The following RTL9 variants were observed in gnomAD, a reference collection of about 807,000 sequenced individuals.
The protein encoded by RTL9 is retrotransposon Gag like 9.
Under a neutral mutation model 44.7 loss-of-function variants are expected in RTL9, and 19 were observed. The observed-to-expected ratio is 0.42, with a 90% CI of 0.30 to 0.62. The LOEUF (loss-of-function observed/expected upper bound fraction) is 0.62, where lower values mean the gene tolerates loss of function less well. Among genes scored for constraint, RTL9 ranks in the 20% least tolerant of loss-of-function variants. RTL9 has a pLI of 0.16. For missense variants in RTL9, 1,105 were observed against 1,080.6 expected, an observed-to-expected ratio of 1.02 and a Z score of -0.32; for synonymous variants, 407 against 398.9, an observed-to-expected ratio of 1.02 and a Z score of -0.24.
intron 1 of RTL9, among the ~76,000 whole-genome samples, chrX:110,362,294 C>A (rs865829923): frequency 1.3e-3 from 143 of 111,873 alleles, no homozygotes; most frequent in African/African-American, 4.4e-3. Context: ...AAGTTGCTTT[C>A]ATTGCCTGTG....
At chrX:110,399,625 C>T (rs1259888488) in intron 1 of RTL9, among the ~76,000 whole-genome samples, 1 of 112,222 alleles carries the variant, frequency 8.9e-6, no homozygotes. Flanking sequence ...ATGTGAAAGG[C>T]GACCTGGTTC....
intron 1 of RTL9, among the ~76,000 whole-genome samples, chrX:110,403,723 C>T (rs1336423126): frequency 1.8e-5 from 2 of 112,212 alleles, no homozygotes; most frequent in African/African-American, 3.2e-5. Context: ...GGCAGCGCAA[C>T]TTGAACTGAC....
chrX:110,376,960 C>T (rs1440713161), intron 1 of RTL9, among the ~76,000 whole-genome samples: 6 of 111,698 alleles, frequency 5.4e-5, no homozygotes, highest in Admixed American at 2.8e-4. Flanking sequence ...CCAAATCTGC[C>T]GGACCCACCT....
At chrX:110,452,196 CAAT>C in exon 1 of RTL9, 1 of 1,212,043 alleles carries the variant, frequency 8.3e-7, no homozygotes, top group African/African-American at 1.7e-5. Context: ...GTCCATGCCA[CAAT>C]TGACAGTCCC....
At position 110,452,849 on chromosome X, in the gene RTL9, G is replaced by A. The variant is rs760622250; in HGVS notation, c.2232G>A (p.Met744Ile). Residue 744 changes from methionine (M) to isoleucine (I), a missense_variant, in exon 1 of 2, where the codon ATG becomes ATA. Physicochemically the swap from Met to Ile is conservative, Grantham distance 10. Transcript: ENST00000540313. ...TGAAGTCCATGACCGCTGGAGGGATGCAGATGAATTCCCCAACCTCTGATG... is the reference window on the plus strand; with the variant it reads ...TGAAGTCCATGACCGCTGGAGGGATACAGATGAATTCCCCAACCTCTGATG... 5 of 1,211,598 alleles carry A rather than the reference G, an allele frequency of 4.1e-6. No individual in the cohort carries two copies. Among genetic ancestry groups the A allele is most frequent in the South Asian group, 1.8e-5 (1 of 56,948 alleles).
rs185897672 is a variant in RTL9 at position 110,455,103 on chromosome X, A to G, written c.4048-99A>G. 1.6e-3 allele frequency: 1,746 copies of G among 1,074,353 alleles called. 14 individuals are homozygous for G. The African/African-American group carries it at 0.029, about 18-fold the overall frequency. 88.5% of individuals were successfully genotyped at this position (1,074,353 alleles called of 1,213,427 possible). On this transcript the variant is annotated intron_variant, in intron 1 of 1. Coordinates refer to ENST00000540313, the Ensembl canonical transcript of RTL9. ...GTATGCAAGTGAGATAAATTAGCAA[A>G]GTGTCTTGATCTGCTAAGTCACAGA...
upstream of RTL9, among the ~76,000 whole-genome samples, chrX:110,414,959 A>G (rs1343039487): frequency 8.9e-6 from 1 of 112,015 alleles, no homozygotes; most frequent in Non-Finnish European, 1.9e-5. Context: ...GAAAGAAGAA[A>G]GCATATATAT....
At chrX:110,380,364 AAATACCTAAG>A (rs1161700346) in intron 1 of RTL9, among the ~76,000 whole-genome samples, 2 of 111,898 alleles carry the variant, frequency 1.8e-5, no homozygotes, top group Non-Finnish European at 3.8e-5. Context: ...AAAAAAAATT[AAATACCTAAG>A]AATACATCTA....
intron 1 of RTL9, among the ~76,000 whole-genome samples, chrX:110,391,098 C>A (rs1357704574): frequency 9.0e-6 from 1 of 111,691 alleles, no homozygotes; most frequent in African/African-American, 3.3e-5. Flanking sequence ...TAGTGATCTT[C>A]AGTATTAAAA....
At chrX:110,433,203 T>C (rs995075378) in intron 1 of RTL9, among the ~76,000 whole-genome samples, 5 of 112,562 alleles carry the variant, frequency 4.4e-5, no homozygotes, top group Non-Finnish European at 7.5e-5. Context: ...ACATAGTTGA[T>C]TGAGTACCTG....
chrX:110,409,065 G>A (rs958883881), intron 1 of RTL9, among the ~76,000 whole-genome samples: 6 of 111,647 alleles, frequency 5.4e-5, no homozygotes, highest in Admixed American at 1.9e-4. Context: ...TTTTGCTTCC[G>A]TTTGGCCTAA....
chrX:110,380,581 A>AT (rs200482936), intron 1 of RTL9, among the ~76,000 whole-genome samples: 1,417 of 112,458 alleles, frequency 0.013, 15 homozygotes, highest in Middle Eastern at 0.037. Flanking sequence ...CTTTTCACAG[A>AT]TTTAAAAAAA....
At chrX:110,366,952 T>C (rs984498389) in intron 1 of RTL9, among the ~76,000 whole-genome samples, 2 of 111,502 alleles carry the variant, frequency 1.8e-5, no homozygotes, top group African/African-American at 6.5e-5. Flanking sequence ...CATTTTCCCT[T>C]TCAGCTGCTA....
At chrX:110,455,347 T>C in exon 2 of RTL9, 1 of 1,204,099 alleles carries the variant, frequency 8.3e-7, no homozygotes, top group Non-Finnish European at 1.1e-6. Context: ...TCTCCTGTGA[T>C]ATCTGACTCG....
At chrX:110,444,652 A>G (rs186841225) in intron 1 of RTL9, among the ~76,000 whole-genome samples, 26 of 112,529 alleles carry the variant, frequency 2.3e-4, no homozygotes, top group African/African-American at 5.2e-4. Flanking sequence ...GAAAATAAAA[A>G]TCTGGAAGTT....
chrX:110,448,977 G>T (rs1198355897), upstream of RTL9, among the ~76,000 whole-genome samples: 2 of 110,876 alleles, frequency 1.8e-5, no homozygotes, highest in Non-Finnish European at 3.8e-5. Context: ...CTTTCCCATT[G>T]CACCAATTAT....
At chrX:110,404,407 T>C (rs758696165) in intron 1 of RTL9, among the ~76,000 whole-genome samples, 6 of 111,785 alleles carry the variant, frequency 5.4e-5, no homozygotes, top group African/African-American at 2.0e-4. Flanking sequence ...TCCGATCAGT[T>C]TCATTTGGCT....
intron 1 of RTL9, among the ~76,000 whole-genome samples, chrX:110,442,221 T>TTCTCTCTC (rs781098261): frequency 0.015 from 1,115 of 72,584 alleles, 14 homozygotes; most frequent in African/African-American, 0.037. Flanking sequence ...ATCGAAGTCT[T>TTCTCTCTC]TCTCTCTCTC....
At chrX:110,417,300 G>A (rs2148316364), upstream of RTL9, among the ~76,000 whole-genome samples, 1 of 112,268 alleles carries the variant, frequency 8.9e-6, no homozygotes, top group South Asian at 3.8e-4. Flanking sequence ...TCATTTGACA[G>A]GGGAGGAGGC....
Sources: gnomAD v4.1 joint callset for allele counts (sites outside exome capture counted in the v4.1 genomes callset) on GRCh38, gnomAD v4.1.1 for gene constraint, MANE v1.5 for transcripts, NCBI Gene and HGNC (gene_info 2026-07-23, HGNC 2026-07-21) for gene names.